Variants in ST6GALNAC2 observed in about 807,000 individuals in gnomAD.
The protein encoded by ST6GALNAC2 is ST6 N-acetylgalactosaminide alpha-2,6-sialyltransferase 2.
A neutral mutation model predicts 38.7 loss-of-function variants in ST6GALNAC2; 42 were observed. That is an observed-to-expected ratio of 1.09 (90% CI 0.85 to 1.40). ST6GALNAC2 has a LOEUF of 1.40. Ranked by LOEUF, ST6GALNAC2 falls within the 40% of genes most tolerant of loss-of-function variation. ST6GALNAC2 has a pLI of 0.00. For synonymous variants in ST6GALNAC2, 233 were observed against 209.0 expected, an observed-to-expected ratio of 1.11 and a Z score of -0.99; for missense variants, 506 against 481.7, an observed-to-expected ratio of 1.05 and a Z score of -0.47.
intron 1 of ST6GALNAC2, among the ~76,000 whole-genome samples, chr17:76,582,637 G>A (rs2075493788): frequency 6.6e-6 from 1 of 152,198 alleles, no homozygotes; most frequent in South Asian, 2.1e-4. Context: ...ATTCTGCCAT[G>A]AGGAAATGCC....
chr17:76,570,668 C>G lies in ST6GALNAC2; in HGVS notation c.670G>C (p.Asp224His). ...LGFTSVPQGQ[D>H]LQYIFIPSDI... is the part of the protein sequence containing the mutation. ...GAGGGGATGAAGATATACTGCAGGT[C>G]CTGTCAGAATAGAGACAATGAGCCC... Residue 224 changes from aspartate (D) to histidine (H), a missense_variant and splice_region_variant, in exon 6 of 9, where the codon GAC becomes CAC. Physicochemically the swap from Asp to His is moderately conservative, Grantham distance 81. Coordinates refer to ENST00000225276, the MANE Select transcript of ST6GALNAC2 (RefSeq NM_006456.3). The G allele has an allele frequency of 6.2e-7, 1 of 1,608,446 alleles. No homozygotes were observed. Among genetic ancestry groups the G allele is most frequent in the Non-Finnish European group, 8.5e-7 (1 of 1,177,218 alleles).
In ST6GALNAC2 at chr17:76,573,500, G is replaced by A. The variant is rs2075378491; in HGVS notation, c.362-137C>T. The A allele has an allele frequency of 1.2e-6, 1 of 833,878 alleles. No individual in the cohort carries two copies. Among genetic ancestry groups the A allele is most frequent in the East Asian group, 3.1e-5 (1 of 31,848 alleles). The allele number at this position is 833,878 out of a possible 1,614,324, so 51.7% of individuals were successfully genotyped here. A position where few individuals can be genotyped will look rare whatever the true frequency, so the allele number is the denominator to read the frequency against. ...CTCCCAAGAAGCACAGAGGGTGGGA[G>A]GGGAAGGAGATGTCTGTGGGGGGAG... is the stretch of plus-strand genomic sequence containing the variant. On this transcript the variant is annotated intron_variant, in intron 3 of 8. Coordinates refer to ENST00000225276, the MANE Select transcript of ST6GALNAC2 (RefSeq NM_006456.3). This position sits in a 1 kb window ranked among gnomAD's most constrained non-coding sequence, Gnocchi z 5.1.
chr17:76,584,403 C>T (rs1217591279), intron 1 of ST6GALNAC2, among the ~76,000 whole-genome samples: 1 of 152,008 alleles, frequency 6.6e-6, no homozygotes, highest in Non-Finnish European at 1.5e-5. Context: ...GCCATGTTGC[C>T]CAGGCTTATA....
chr17:76,581,858 TTTTTTA>T (rs557365744), intron 1 of ST6GALNAC2, among the ~76,000 whole-genome samples: 6 of 152,090 alleles, frequency 3.9e-5, no homozygotes, highest in Admixed American at 6.6e-5. Context: ...TCATATTCTC[TTTTTTA>T]TTTTTATTTT....
Position 76,573,159 on chromosome 17 carries a change from T to TGCCA in ST6GALNAC2, c.530+35_530+36insTGGC. ...GACACCCCCACCCTCCAGGCAACTC[T>TGCCA]CCCTCCCGCCCCTCCCCAGCTCCTA... On this transcript the variant is annotated intron_variant, in intron 4 of 8. Coordinates refer to ENST00000225276, the MANE Select transcript of ST6GALNAC2 (RefSeq NM_006456.3). The surrounding 1 kb of genome is among the most constrained non-coding windows in gnomAD (Gnocchi z 5.1). The TGCCA allele has an allele frequency of 2.6e-6, 4 of 1,530,320 alleles. No homozygotes were observed. The highest frequency in any genetic ancestry group is 3.6e-6 in the Non-Finnish European group (4 of 1,120,830). 94.8% of individuals were successfully genotyped at this position (1,530,320 alleles called of 1,614,324 possible). A position where few individuals can be genotyped will look rare whatever the true frequency, so the allele number is the denominator to read the frequency against.
intron 4 of ST6GALNAC2, 100 bp from the exon 5 acceptor site, chr17:76,572,875 A>G (rs1230187691): frequency 1.4e-6 from 2 of 1,424,938 alleles, no homozygotes; most frequent in Non-Finnish European, 2.0e-6. Flanking sequence ...CTGCCTCTGT[A>G]TGACCACTCC....
intron 2 of ST6GALNAC2, among the ~76,000 whole-genome samples, chr17:76,577,780 C>T (rs957620656): frequency 6.6e-6 from 1 of 151,906 alleles, no homozygotes; most frequent in African/African-American, 2.4e-5. Context: ...ACTGTGTTGC[C>T]CAGGCTGGTC....
intron 2 of ST6GALNAC2, among the ~76,000 whole-genome samples, chr17:76,576,290 T>C (rs34461797): frequency 0.1 from 15,473 of 152,124 alleles, 907 homozygotes; most frequent in Middle Eastern, 0.15. Flanking sequence ...CACGGGCCTA[T>C]GAGAACATGG....
intron 1 of ST6GALNAC2, among the ~76,000 whole-genome samples, chr17:76,582,562 C>T (rs531409514): frequency 2.6e-5 from 4 of 152,262 alleles, no homozygotes; most frequent in East Asian, 3.9e-4. Flanking sequence ...TTGATTCTCA[C>T]TCTCCTATTA....
In ST6GALNAC2 at chr17:76,566,099, TG is replaced by T; in HGVS notation, c.*4del. On this transcript the variant is annotated 3_prime_UTR_variant, in exon 9 of 9. Coordinates refer to ENST00000225276, the MANE Select transcript of ST6GALNAC2 (RefSeq NM_006456.3). Reference sequence around the variant, plus strand: ...TGAAGAAGCAAAGGGCTCAGTGCATTGGGGTCAGCGCTGGTACAGCTGAAGG... The same window carrying T: ...TGAAGAAGCAAAGGGCTCAGTGCATTGGGTCAGCGCTGGTACAGCTGAAGG... The T allele has an allele frequency of 1.2e-6, 2 of 1,612,870 alleles. No homozygotes were observed. Among genetic ancestry groups the T allele is most frequent in the East Asian group, 2.2e-5 (1 of 44,854 alleles).
rs539105413 is a variant in ST6GALNAC2 at position 76,567,979 on chromosome 17, C to G, written c.858-427G>C. 1.7e-4 allele frequency: 32 copies of G among 185,960 alleles called. No individual in the cohort carries two copies. The South Asian group carries it at 3.2e-3, about 18-fold the overall frequency. The allele number at this position is 185,960 out of a possible 1,614,324, so 11.5% of individuals were successfully genotyped here. A position where few individuals can be genotyped will look rare whatever the true frequency, so the allele number is the denominator to read the frequency against. ...CCAGGGTGTGACCACGGGCTCTGCC[C>G]TCAGGCCTGAGTTCACATCGAGCTG... is the stretch of plus-strand genomic sequence containing the variant. On this transcript the variant is annotated intron_variant, in intron 7 of 8. Coordinates refer to ENST00000225276, the MANE Select transcript of ST6GALNAC2 (RefSeq NM_006456.3).
chr17:76,574,675 A>AT (rs911717656), intron 2 of ST6GALNAC2, 136 bp from the exon 3 acceptor site: 24,348 of 514,944 alleles, frequency 0.047, 2 homozygotes, highest in South Asian at 0.07. Context: ...CCATCCTTGC[A>AT]TTTTTTTTTT....
rs755497273 is a variant in ST6GALNAC2 at position 76,567,544 on chromosome 17, T to G, written c.866A>C (p.Lys289Thr). 2 of 1,612,918 alleles carry G rather than the reference T, an allele frequency of 1.2e-6. No homozygotes were observed. Among genetic ancestry groups the G allele is most frequent in the Non-Finnish European group, 1.7e-6 (2 of 1,179,094 alleles). The change falls in exon 8 of 9, where the codon AAA becomes ACA. Residue 289 changes from lysine (K) to threonine (T), a missense_variant. Physicochemically the swap from Lys to Thr is moderately conservative, Grantham distance 78. Coordinates refer to ENST00000225276, the MANE Select transcript of ST6GALNAC2 (RefSeq NM_006456.3). ...FISYLTERFL[K>T]SKLINTHFGD... Reference sequence around the variant, plus strand: ...AAAATGTGTGTTAATCAACTTTGATTTCAAGAACCTGGAAGCAAAAAGAGA... The same window carrying G: ...AAAATGTGTGTTAATCAACTTTGATGTCAAGAACCTGGAAGCAAAAAGAGA...
At chr17:76,576,297 A>G (rs2075415385) in intron 2 of ST6GALNAC2, among the ~76,000 whole-genome samples, 1 of 152,174 alleles carries the variant, frequency 6.6e-6, no homozygotes, top group African/African-American at 2.4e-5. Flanking sequence ...CTATGAGAAC[A>G]TGGGATGAGT....
chr17:76,566,429 G>A (rs533780084), intron 8 of ST6GALNAC2, among the ~76,000 whole-genome samples, 158 bp from the exon 9 acceptor site: 2 of 152,240 alleles, frequency 1.3e-5, no homozygotes, highest in Non-Finnish European at 2.9e-5. Context: ...ATGGATTCAG[G>A]GGTGACTCAC....
intron 1 of ST6GALNAC2, among the ~76,000 whole-genome samples, chr17:76,582,975 C>CT (rs1567935839): frequency 2.6e-5 from 4 of 152,174 alleles, no homozygotes; most frequent in Non-Finnish European, 4.4e-5. Context: ...GAGGAAAGAT[C>CT]TTTTTTTTAA....
rs1171153817 is a variant in ST6GALNAC2 at position 76,578,493 on chromosome 17, A to C, written c.186+263T>G. 2.6e-5 allele frequency among the ~76,000 whole-genome samples: 4 copies of C among 152,166 alleles called. No homozygotes were observed. In the East Asian group the frequency reaches 7.7e-4, roughly 29 times the overall value. ...AAATTCACAGGACTATTTAAGATAC[A>C]ATCTTAAGACTCCAAAGAACTGTTC... On this transcript the variant is annotated intron_variant, in intron 2 of 8. Transcript: ENST00000225276.
intron 1 of ST6GALNAC2, among the ~76,000 whole-genome samples, chr17:76,584,038 A>T (rs369824885): frequency 0.75 from 109,273 of 145,632 alleles, 41,419 homozygotes; most frequent in East Asian, 0.84. Flanking sequence ...CCAGGTCAGG[A>T]GGATCTCCTG....
In ST6GALNAC2 at chr17:76,566,038, C is replaced by G; in HGVS notation, c.*66G>C. 5 of 1,525,244 alleles carry G rather than the reference C, an allele frequency of 3.3e-6. No individual in the cohort carries two copies. The highest frequency in any genetic ancestry group is 1.2e-5 in the South Asian group (1 of 80,332). 94.5% of individuals were successfully genotyped at this position (1,525,244 alleles called of 1,614,324 possible). On this transcript the variant is annotated 3_prime_UTR_variant, in exon 9 of 9. Transcript: ENST00000225276. ...GGTGAAGATTGAAAAGTTAAAAAAG[C>G]TTTTGGCCACTTGAGAGGATCAGGG...
Sources: allele counts gnomAD v4.1 joint callset (sites outside exome capture counted in the v4.1 genomes callset), GRCh38; gene constraint gnomAD v4.1.1; non-coding constraint Gnocchi (gnomAD v3.1); transcripts MANE v1.5; gene names NCBI Gene and HGNC (gene_info 2026-07-23, HGNC 2026-07-21).